Variants in COL27A1 observed in about 807,000 individuals in gnomAD.
COL27A1 encodes collagen type XXVII alpha 1 chain, also known as collagen alpha-1(XXVII) chain.
A neutral mutation model predicts 251.3 loss-of-function variants in COL27A1; 106 were observed. That is an observed-to-expected ratio of 0.42 (90% CI 0.36 to 0.50). The LOEUF (loss-of-function observed/expected upper bound fraction) is 0.50. Among genes scored for constraint, COL27A1 ranks in the 20% least tolerant of loss-of-function variants. The pLI is 0.00. For synonymous variants in COL27A1, 1,000 were observed against 986.3 expected (o/e 1.01, Z -0.26); for missense variants, 2,325 against 2,522.8 (o/e 0.92, Z 1.68).
At position 114,302,089 on chromosome 9, in the gene COL27A1, CA is replaced by C; in HGVS notation, c.4854del (p.Gly1620ValfsTer130). 1 of 1,612,846 alleles carries C rather than the reference CA, an allele frequency of 6.2e-7. No individual in the cohort carries two copies. Among genetic ancestry groups the C allele is most frequent in the Non-Finnish European group, 8.5e-7 (1 of 1,178,846 alleles). On this transcript the variant is annotated frameshift_variant, in exon 56 of 61. Coordinates refer to ENST00000356083, the MANE Select transcript of COL27A1 (RefSeq NM_032888.4). LOFTEE classifies it high-confidence loss of function. ...CGCAGTCTTCTTTTGCAGGGTCCTC[CA>C]GGGGGTCCTATCCAATTGGTAAGTT... ...PRGRPGPPGP[P>X]GGPIQLQQDD...
intron 7 of COL27A1, among the ~76,000 whole-genome samples, chr9:114,197,010 TG>T (rs1185136952): frequency 3.9e-5 from 6 of 152,178 alleles, no homozygotes; most frequent in Admixed American, 1.3e-4. Flanking sequence ...TGTGCAAATC[TG>T]GTTTATTGCT....
chr9:114,242,327 C>T, intron 22 of COL27A1, 96 bp downstream of exon 22: 1 of 1,101,912 alleles, frequency 9.1e-7, no homozygotes, highest in Non-Finnish European at 1.3e-6. Context: ...AGAGGGAAGT[C>T]ATCAGTGAGG....
intron 36 of COL27A1, among the ~76,000 whole-genome samples, chr9:114,274,944 A>C (rs1296713768): frequency 6.6e-6 from 1 of 151,866 alleles, no homozygotes; most frequent in Non-Finnish European, 1.5e-5. Context: ...AATTTCTTTC[A>C]GCTAGTTGCA....
At chr9:114,260,324 G>A (rs1215433150) in intron 28 of COL27A1, among the ~76,000 whole-genome samples, 1 of 152,190 alleles carries the variant, frequency 6.6e-6, no homozygotes, top group Non-Finnish European at 1.5e-5. Context: ...GGTTTGTCAG[G>A]AATGCACAAC....
At chr9:114,289,792 C>G (rs1827781535) in intron 45 of COL27A1, among the ~76,000 whole-genome samples, 2 of 152,052 alleles carry the variant, frequency 1.3e-5, no homozygotes, top group South Asian at 4.1e-4. Context: ...TCTAAAAGAT[C>G]CAGTGGAACT....
At chr9:114,219,765 T>A (rs762291465) in intron 12 of COL27A1, 26 bp from the exon 13 acceptor site, 2 of 1,562,552 alleles carry the variant, frequency 1.3e-6, no homozygotes, top group African/African-American at 2.7e-5. Context: ...AACCTACAGA[T>A]GTTTGTTCTC....
chr9:114,205,698 C>T (rs1829903890), intron 8 of COL27A1, 61 bp from the exon 9 acceptor site: 7 of 1,459,884 alleles, frequency 4.8e-6, no homozygotes, highest in Admixed American at 1.7e-5. Context: ...CCCAGGGTCC[C>T]CCAGACCCAG....
At chr9:114,278,188 G>A (rs923829096) in intron 37 of COL27A1, among the ~76,000 whole-genome samples, 4 of 150,478 alleles carry the variant, frequency 2.7e-5, no homozygotes, top group African/African-American at 9.8e-5. Flanking sequence ...GGGGGCAGCA[G>A]CAATGGTAGT....
intron 14 of COL27A1, among the ~76,000 whole-genome samples, chr9:114,224,083 A>G (rs1304429012): frequency 2.1e-5 from 2 of 93,302 alleles, no homozygotes; most frequent in African/African-American, 6.9e-5. Context: ...TAAATTTGTC[A>G]TCCCTGATGT....
chr9:114,175,708 A>C (rs1489937536), intron 3 of COL27A1, among the ~76,000 whole-genome samples: 7 of 152,154 alleles, frequency 4.6e-5, no homozygotes. Context: ...GGCAGAAGAC[A>C]TGCCAAGAGG....
At chr9:114,309,603 T>A (rs1204954148) in intron 60 of COL27A1, 125 bp downstream of exon 60, 2 of 713,212 alleles carry the variant, frequency 2.8e-6, no homozygotes, top group Non-Finnish European at 4.6e-6. Context: ...ATTAATGTGA[T>A]AGATATGATT....
At chr9:114,284,899 C>A (rs1286303401) in intron 41 of COL27A1, 122 bp downstream of exon 41, 5 of 1,055,164 alleles carry the variant, frequency 4.7e-6, no homozygotes, top group Non-Finnish European at 7.3e-6. Context: ...GGGGCTCACC[C>A]CCTGCAGCAG....
intron 27 of COL27A1, among the ~76,000 whole-genome samples, chr9:114,255,249 G>C (rs1033590856): frequency 1.7e-4 from 26 of 152,194 alleles, no homozygotes; most frequent in African/African-American, 6.3e-4. Flanking sequence ...TGGTCAGGGG[G>C]CTAGCACGGC....
At chr9:114,264,536 G>A in intron 29 of COL27A1, 128 bp downstream of exon 29, 2 of 688,494 alleles carry the variant, frequency 2.9e-6, no homozygotes, top group East Asian at 3.0e-5. Flanking sequence ...GAGGCTGCAG[G>A]GCTCTTTCTG....
intron 14 of COL27A1, among the ~76,000 whole-genome samples, chr9:114,229,418 G>C (rs1448552815): frequency 6.6e-6 from 1 of 152,186 alleles, no homozygotes; most frequent in African/African-American, 2.4e-5. Context: ...GAGCCAGGGA[G>C]GAATGTGATT....
chr9:114,232,131 G>C (rs1832012038), intron 16 of COL27A1, among the ~76,000 whole-genome samples: 1 of 152,212 alleles, frequency 6.6e-6, no homozygotes, highest in Non-Finnish European at 1.5e-5. Context: ...TCAAGACAGG[G>C]CTCTGAATCC....
intron 12 of COL27A1, 53 bp from the exon 13 acceptor site, chr9:114,219,738 C>A: frequency 1.5e-6 from 2 of 1,316,222 alleles, no homozygotes; most frequent in South Asian, 1.2e-5. Flanking sequence ...AAAGCCCACC[C>A]TGAAGGTGAC....
chr9:114,222,516 T>C (rs1831192440), intron 14 of COL27A1, among the ~76,000 whole-genome samples: 1 of 152,182 alleles, frequency 6.6e-6, no homozygotes, highest in South Asian at 2.1e-4. Flanking sequence ...GTGGATCACC[T>C]TCTCTGAGCC....
chr9:114,250,507 C>T (rs1450274978), intron 24 of COL27A1, 108 bp from the exon 25 acceptor site: 2 of 1,009,262 alleles, frequency 2.0e-6, no homozygotes, highest in Non-Finnish European at 3.1e-6. Context: ...GCTGGGTGAC[C>T]AGGCACGGGT....
Sources: gnomAD v4.1 joint callset for allele counts (sites outside exome capture counted in the v4.1 genomes callset) on GRCh38, gnomAD v4.1.1 for gene constraint, MANE v1.5 for transcripts, NCBI Gene and HGNC (gene_info 2026-07-23, HGNC 2026-07-21) for gene names.